Variants in LARP4B observed in about 807,000 individuals in gnomAD.
LARP4B encodes the protein La ribonucleoprotein 4B, also known as la-related protein 4B.
LARP4B carries 12 observed loss-of-function variants against 89.8 expected under a neutral mutation model. That is an observed-to-expected ratio of 0.13 (90% CI 0.09 to 0.22). LARP4B has a LOEUF of 0.22. LARP4B is among the 10% of genes least tolerant of loss of function. The probability of loss-of-function intolerance (pLI) is 1.00; values close to 1 mark genes in which losing one functional copy is unlikely to be tolerated. For synonymous variants in LARP4B, 367 were observed against 363.3 expected (o/e 1.01, Z -0.12); for missense variants, 757 against 947.7 (o/e 0.80, Z 2.64).
At position 812,786 on chromosome 10, in the gene LARP4B, CAGA is replaced by C; in HGVS notation, c.*137_*139del. On this transcript the variant is annotated 3_prime_UTR_variant, in exon 18 of 18. Transcript: ENST00000316157. ...TTCAAGAGGGGGAGAATCCAACTCACAGAAGAAAACCAACTTGAGGATCCCACA... is the reference window on the plus strand; with the variant it reads ...TTCAAGAGGGGGAGAATCCAACTCACAGAAAACCAACTTGAGGATCCCACA... 1.5e-6 allele frequency: 1 copy of C among 672,354 alleles called. No individual in the cohort carries two copies. Among genetic ancestry groups the C allele is most frequent in the Non-Finnish European group, 2.2e-6 (1 of 458,908 alleles). The allele number at this position is 672,354 out of a possible 1,614,324, so 41.6% of individuals were successfully genotyped here. A position where few individuals can be genotyped will look rare whatever the true frequency, so the allele number is the denominator to read the frequency against.
At chr10:824,831 T>G (rs1329110647) in intron 13 of LARP4B, among the ~76,000 whole-genome samples, 2 of 152,212 alleles carry the variant, frequency 1.3e-5, no homozygotes, top group Non-Finnish European at 2.9e-5. Context: ...GCTATTGAGC[T>G]CCAGTGTTTC....
At chr10:886,321 A>C (rs575861758) in intron 1 of LARP4B, among the ~76,000 whole-genome samples, 1 of 152,352 alleles carries the variant, frequency 6.6e-6, no homozygotes, top group East Asian at 1.9e-4. Flanking sequence ...AAGAGATAAC[A>C]GGGCGTGGAA....
chr10:969,032 G>A, the LARP4B span, among the ~76,000 whole-genome samples: 6 of 152,330 alleles, frequency 3.9e-5, no homozygotes, highest in South Asian at 4.1e-4. Context: ...CCTTGGCACC[G>A]TATCTTAAGA....
intron 1 of LARP4B, among the ~76,000 whole-genome samples, chr10:923,239 A>T (rs887115252): frequency 6.6e-6 from 1 of 152,198 alleles, no homozygotes; most frequent in Non-Finnish European, 1.5e-5. Flanking sequence ...CATCCTTTCA[A>T]ATGTCTAGAT....
At chr10:858,285 A>G (rs1834410196) in intron 5 of LARP4B, among the ~76,000 whole-genome samples, 1 of 152,174 alleles carries the variant, frequency 6.6e-6, no homozygotes, top group Non-Finnish European at 1.5e-5. Context: ...GCGTGCCACG[A>G]TCGTTCTATA....
chr10:942,861 G>A, the LARP4B span: 1 of 152,182 alleles, frequency 6.6e-6, no homozygotes, highest in Admixed American at 6.5e-5. Context: ...CACATGGAGA[G>A]GAGCCCACAG....
the LARP4B span, among the ~76,000 whole-genome samples, chr10:978,260 C>T: frequency 2.6e-5 from 4 of 152,130 alleles, no homozygotes; most frequent in Non-Finnish European, 4.4e-5. Flanking sequence ...ATGTTTACCT[C>T]GTTAACTTTC....
intron 1 of LARP4B, among the ~76,000 whole-genome samples, chr10:897,713 C>G (rs905881469): frequency 1.3e-5 from 2 of 152,032 alleles, no homozygotes; most frequent in African/African-American, 4.8e-5. Flanking sequence ...GAGAGCCCAG[C>G]GCAGTGGCTC....
upstream of LARP4B, chr10:932,962 T>G (rs1419619045): frequency 2.0e-5 from 3 of 152,252 alleles, no homozygotes; most frequent in Admixed American, 6.5e-5. Flanking sequence ...GGCGCTGGGT[T>G]CGGGCCCACG....
chr10:954,668 G>T, the LARP4B span, among the ~76,000 whole-genome samples: 13 of 152,128 alleles, frequency 8.5e-5, no homozygotes, highest in Non-Finnish European at 1.9e-4. The surrounding 1 kb of genome is among the most constrained non-coding windows in gnomAD (Gnocchi z 5.0). Context: ...GAGTGGCAGC[G>T]GAGTCCTTCA....
At position 814,673 on chromosome 10, in the gene LARP4B, A is replaced by G; in HGVS notation, c.1929+69T>C. On this transcript the variant is annotated intron_variant, in intron 17 of 17. Coordinates refer to ENST00000316157, the MANE Select transcript of LARP4B (RefSeq NM_015155.3). The surrounding 1 kb of genome is among the most constrained non-coding windows in gnomAD (Gnocchi z 4.4). The stretch of plus-strand genomic sequence containing the variant: ...TGATTAAAAAACGAGCAGGTGCAGG[A>G]GTGCGCAGCGTCTGTTCACACCAGA... 6.4e-7 allele frequency: 1 copy of G among 1,552,910 alleles called. No individual in the cohort carries two copies. Among genetic ancestry groups the G allele is most frequent in the Non-Finnish European group, 8.7e-7 (1 of 1,147,672 alleles).
intron 3 of LARP4B, among the ~76,000 whole-genome samples, chr10:872,294 G>C (rs1835250550): frequency 6.6e-6 from 1 of 152,194 alleles, no homozygotes; most frequent in South Asian, 2.1e-4. Context: ...CCTTTCACCT[G>C]GACCCAGCGT....
intron 5 of LARP4B, among the ~76,000 whole-genome samples, chr10:848,287 G>A (rs1452425551): frequency 2.6e-5 from 4 of 152,268 alleles, no homozygotes; most frequent in African/African-American, 9.6e-5. Flanking sequence ...GGATCACACT[G>A]TTTCCAAGAA....
rs1831896560 is a variant in LARP4B, at chr10:814,214, A to G, written c.1929+528T>C. Among the ~76,000 whole-genome samples the G allele has an allele frequency of 6.6e-6, 1 of 152,138 alleles. No homozygotes were observed. The highest frequency in any genetic ancestry group is 2.4e-5 in the African/African-American group (1 of 41,414). ...GGGATTAAACTCCCAAATTCAAGGA[A>G]AAGGCTCCCCCAAGATCAAACTACA... is the stretch of plus-strand genomic sequence containing the variant. On this transcript the variant is annotated intron_variant, in intron 17 of 17. Coordinates refer to ENST00000316157, the MANE Select transcript of LARP4B (RefSeq NM_015155.3). The surrounding 1 kb of genome is among the most constrained non-coding windows in gnomAD (Gnocchi z 4.4).
intron 9 of LARP4B, among the ~76,000 whole-genome samples, chr10:830,266 C>T (rs1039215813): frequency 3.3e-5 from 5 of 152,204 alleles, no homozygotes; most frequent in Admixed American, 3.3e-4. Context: ...TGGCAGAGCT[C>T]ACACTCCACT....
chr10:915,637 T>C (rs1023178210), intron 1 of LARP4B, among the ~76,000 whole-genome samples: 2 of 152,050 alleles, frequency 1.3e-5, no homozygotes, highest in Non-Finnish European at 2.9e-5. Context: ...ACCCCATCTC[T>C]ACTAAAAATA....
intron 1 of LARP4B, among the ~76,000 whole-genome samples, chr10:923,087 A>T (rs1764258569): frequency 6.6e-6 from 1 of 152,084 alleles, no homozygotes; most frequent in South Asian, 2.1e-4. Context: ...AAAAAAAACA[A>T]ATCATGCCAG....
chr10:834,536 T>C (rs1304615012), intron 8 of LARP4B, among the ~76,000 whole-genome samples: 2 of 152,238 alleles, frequency 1.3e-5, no homozygotes, highest in African/African-American at 4.8e-5. Flanking sequence ...ATAATAATTA[T>C]ACAGAGTCCT....
At chr10:827,211 G>A (rs1832676595) in intron 11 of LARP4B, among the ~76,000 whole-genome samples, 1 of 152,058 alleles carries the variant, frequency 6.6e-6, no homozygotes, top group Admixed American at 6.5e-5. Context: ...GGGAGGCGGA[G>A]CTTGCAGTGA....
Sources: gnomAD v4.1 joint callset for allele counts (sites outside exome capture counted in the v4.1 genomes callset) on GRCh38, gnomAD v4.1.1 for gene constraint, Gnocchi (gnomAD v3.1) non-coding constraint, MANE v1.5 for transcripts, NCBI Gene and HGNC (gene_info 2026-07-23, HGNC 2026-07-21) for gene names.